Variants in CFAP20DC observed in about 807,000 individuals in gnomAD.
CFAP20DC encodes the protein CFAP20 domain containing, also known as protein CFAP20DC.
A neutral mutation model predicts 101.7 loss-of-function variants in CFAP20DC; 84 were observed. That is an observed-to-expected ratio of 0.83 (90% CI 0.69 to 0.99). The LOEUF is 0.99. Among genes scored for constraint, CFAP20DC ranks in the 50% least tolerant of loss-of-function variants. The pLI is 0.00. For synonymous variants in CFAP20DC, 359 were observed against 351.2 expected (o/e 1.02, Z -0.25); for missense variants, 1,007 against 970.3 (o/e 1.04, Z -0.50).
intron 12 of CFAP20DC, 58 bp from the exon 13 acceptor site, chr3:58,849,467 A>T (rs1202038312): frequency 8.0e-7 from 1 of 1,251,598 alleles, no homozygotes; most frequent in Non-Finnish European, 1.1e-6. Flanking sequence ...TGAATAAGTT[A>T]CTGAGTACAA....
At chr3:58,738,181 CTTTT>C (rs370932098), downstream of CFAP20DC, among the ~76,000 whole-genome samples, 1 of 151,214 alleles carries the variant, frequency 6.6e-6, no homozygotes, top group Non-Finnish European at 1.5e-5. This position sits in a 1 kb window ranked among gnomAD's most constrained non-coding sequence, Gnocchi z 4.4. Flanking sequence ...ACAGGCAATT[CTTTT>C]TTTTTAATTT....
chr3:58,806,232 A>G (rs937984174), intron 15 of CFAP20DC, among the ~76,000 whole-genome samples, 163 bp downstream of exon 15: 1 of 152,240 alleles, frequency 6.6e-6, no homozygotes, highest in Non-Finnish European at 1.5e-5. Context: ...TGTTACCACT[A>G]TTCTAAAGTC....
chr3:58,913,954 G>A lies in CFAP20DC; in HGVS notation c.394-90C>T, dbSNP rs1168196421. 3.6e-6 allele frequency: 5 copies of A among 1,384,986 alleles called. No individual in the cohort carries two copies. The highest frequency in any genetic ancestry group is 2.3e-5 in the East Asian group (1 of 42,902). The allele number at this position is 1,384,986 out of a possible 1,614,324, so 85.8% of individuals were successfully genotyped here. ...TATATGTAGACATTCAAAGAGTTGAGGCAGTTATCCTGATCAACAAGCCCC... is the reference window on the plus strand; with the variant it reads ...TATATGTAGACATTCAAAGAGTTGAAGCAGTTATCCTGATCAACAAGCCCC... On this transcript the variant is annotated intron_variant, in intron 5 of 16. Coordinates refer to ENST00000482387, the MANE Select transcript of CFAP20DC (RefSeq NM_001394063.1). The surrounding 1 kb of genome is among the most constrained non-coding windows in gnomAD (Gnocchi z 4.4).
chr3:58,840,029 C>T (rs983858613), intron 13 of CFAP20DC, among the ~76,000 whole-genome samples: 13 of 152,122 alleles, frequency 8.5e-5, no homozygotes, highest in African/African-American at 2.7e-4. Flanking sequence ...GCCAGGGTTC[C>T]GTCTGAAAAA....
chr3:58,999,438 T>C (rs139485694), intron 4 of CFAP20DC, among the ~76,000 whole-genome samples: 95 of 152,316 alleles, frequency 6.2e-4, no homozygotes, highest in African/African-American at 2.2e-3. Context: ...ACTGACTATC[T>C]GAATGTAACA....
At chr3:58,881,983 A>C (rs1303670202) in intron 7 of CFAP20DC, among the ~76,000 whole-genome samples, 2 of 152,174 alleles carry the variant, frequency 1.3e-5, no homozygotes, top group Non-Finnish European at 2.9e-5. Flanking sequence ...AGCAATTGAA[A>C]AGTATTTACA....
intron 15 of CFAP20DC, among the ~76,000 whole-genome samples, chr3:58,773,473 T>A (rs754042996): frequency 6.6e-6 from 1 of 151,924 alleles, no homozygotes; most frequent in Non-Finnish European, 1.5e-5. Context: ...GGAGGACTGC[T>A]TGAGCCTGGA....
rs1398548240 is a variant in CFAP20DC at position 58,882,227 on chromosome 3, T to C, written c.715+2318A>G. ...TTTTATGGAAATTGCAAAATATATA[T>C]TAATATCCTCTTTTATGAGTTGGGT... is the stretch of plus-strand genomic sequence containing the variant. On this transcript the variant is annotated intron_variant, in intron 7 of 16. Transcript: ENST00000482387. This position sits in a 1 kb window ranked among gnomAD's most constrained non-coding sequence, Gnocchi z 4.2. Among the ~76,000 whole-genome samples, 2 of 152,148 alleles carry C rather than the reference T, an allele frequency of 1.3e-5. No individual in the cohort carries two copies. Among genetic ancestry groups the C allele is most frequent in the African/African-American group, 4.8e-5 (2 of 41,456 alleles).
Position 58,971,911 on chromosome 3 carries a change from C to G in CFAP20DC, c.279-34149G>C, listed in dbSNP as rs2091973667. ...CACACACAATTAAGCTCTAGAGGTA[C>G]TCCCAAAAAATCCTGCTAAAAACAA... On this transcript the variant is annotated intron_variant, in intron 4 of 16. Coordinates refer to ENST00000482387, the MANE Select transcript of CFAP20DC (RefSeq NM_001394063.1). This position sits in a 1 kb window ranked among gnomAD's most constrained non-coding sequence, Gnocchi z 4.1. Among the ~76,000 whole-genome samples, 1 of 151,298 alleles carries G rather than the reference C, an allele frequency of 6.6e-6. No homozygotes were observed. Among genetic ancestry groups the G allele is most frequent in the Non-Finnish European group, 1.5e-5 (1 of 67,772 alleles).
intron 16 of CFAP20DC, among the ~76,000 whole-genome samples, chr3:58,742,798 G>A (rs2067952854): frequency 6.6e-6 from 1 of 152,156 alleles, no homozygotes; most frequent in Middle Eastern, 3.2e-3. Flanking sequence ...CTTGACAAAG[G>A]ACAAGAAAAA....
intron 15 of CFAP20DC, among the ~76,000 whole-genome samples, chr3:58,759,181 A>G (rs867906020): frequency 0.024 from 3,676 of 151,528 alleles, 140 homozygotes; most frequent in African/African-American, 0.083. Context: ...CTATTTCTCC[A>G]CATCCTCTCC....
intron 5 of CFAP20DC, among the ~76,000 whole-genome samples, chr3:58,925,264 T>A (rs578049215): frequency 1.3e-5 from 2 of 152,212 alleles, no homozygotes; most frequent in South Asian, 4.1e-4. Context: ...AAAGAGTTTT[T>A]AAATGTTGCT....
At chr3:58,786,296 T>C (rs1251243417) in intron 15 of CFAP20DC, among the ~76,000 whole-genome samples, 1 of 152,132 alleles carries the variant, frequency 6.6e-6, no homozygotes, top group Admixed American at 6.6e-5. Context: ...TTCTAGGTAT[T>C]CACAAGAGTG....
chr3:58,873,717 G>C (rs2080479924), intron 7 of CFAP20DC, among the ~76,000 whole-genome samples: 1 of 152,028 alleles, frequency 6.6e-6, no homozygotes, highest in Non-Finnish European at 1.5e-5. Flanking sequence ...AGTCTGGATA[G>C]CTATTCTGGA....
Position 59,049,856 on chromosome 3 carries a change from G to C in CFAP20DC, c.-225C>G. ...CACCATTGCGGCTCCAGCCTCCGCG[G>C]TGCCCGGGTCTGGGGAGGGCGCAGC... On this transcript the variant is annotated 5_prime_UTR_variant, in exon 1 of 17. Transcript: ENST00000482387. 1.7e-6 allele frequency: 1 copy of C among 602,960 alleles called. No individual in the cohort carries two copies. The highest frequency in any genetic ancestry group is 2.8e-5 in the East Asian group (1 of 35,574). The allele number at this position is 602,960 out of a possible 1,614,324, so 37.4% of individuals were successfully genotyped here.
intron 14 of CFAP20DC, among the ~76,000 whole-genome samples, chr3:58,811,399 C>T (rs1460996350): frequency 6.6e-5 from 10 of 152,010 alleles, no homozygotes; most frequent in South Asian, 2.1e-4. Context: ...GAAATAACGC[C>T]GCATATCTAC....
At chr3:58,942,796 A>T (rs2088807563) in intron 4 of CFAP20DC, among the ~76,000 whole-genome samples, 1 of 152,290 alleles carries the variant, frequency 6.6e-6, no homozygotes, top group East Asian at 1.9e-4. Context: ...TCCCACCCCC[A>T]TGGAGGCCAG....
Position 58,849,394 on chromosome 3 carries a change from G to A in CFAP20DC, c.1609C>T (p.Gln537Ter), listed in dbSNP as rs1194648100. Residue 537 changes from glutamine (Q) to a stop codon, truncating the protein, a stop_gained, in exon 13 of 17, where the codon CAG (glutamine) becomes TAG (stop). Transcript: ENST00000482387. LOFTEE classifies it high-confidence loss of function. ...DSSEEGNHSI[Q>*]GSRGPTTGPS... The stretch of plus-strand genomic sequence containing the variant: ...CCAGTTGTTGGGCCTCGAGAACCCT[G>A]GATACTGTGGTTACCCTATGTTGGG... The A allele has an allele frequency of 6.5e-7, 1 of 1,528,464 alleles. No individual in the cohort carries two copies. The highest frequency in any genetic ancestry group is 1.4e-5 in the African/African-American group (1 of 72,568). The allele number at this position is 1,528,464 out of a possible 1,614,324, so 94.7% of individuals were successfully genotyped here.
intron 7 of CFAP20DC, among the ~76,000 whole-genome samples, chr3:58,878,622 T>TAA (rs1030471590): frequency 3.9e-5 from 6 of 152,116 alleles, no homozygotes; most frequent in African/African-American, 1.4e-4. Flanking sequence ...GGCTTGGAAA[T>TAA]AAGGCAAGAG....
Sources: allele counts gnomAD v4.1 joint callset (sites outside exome capture counted in the v4.1 genomes callset), GRCh38; gene constraint gnomAD v4.1.1; non-coding constraint Gnocchi (gnomAD v3.1); transcripts MANE v1.5; gene names NCBI Gene and HGNC (gene_info 2026-07-23, HGNC 2026-07-21).